The following CACNA1E variants were observed in gnomAD, a reference collection of about 807,000 sequenced individuals.
CACNA1E encodes calcium voltage-gated channel subunit alpha1 E, also known as voltage-dependent R-type calcium channel subunit alpha-1E.
A neutral mutation model predicts 259.2 loss-of-function variants in CACNA1E; 40 were observed. That is an observed-to-expected ratio of 0.15 (90% CI 0.12 to 0.20). The LOEUF (loss-of-function observed/expected upper bound fraction) is 0.20. CACNA1E is among the 10% of genes least tolerant of loss of function. CACNA1E has a pLI of 1.00. For synonymous variants in CACNA1E, 1,104 were observed against 1,138.5 expected (o/e 0.97, Z 0.61); for missense variants, 1,874 against 3,040.1 (o/e 0.62, Z 9.02).
chr1:181,722,075 T>C (rs559878496), intron 16 of CACNA1E, among the ~76,000 whole-genome samples, 200 bp downstream of exon 16: 4 of 152,308 alleles, frequency 2.6e-5, no homozygotes, highest in Admixed American at 6.5e-5. Context: ...GTAAACAAGA[T>C]AGAGTATTAT....
intron 1 of CACNA1E, among the ~76,000 whole-genome samples, chr1:181,352,559 T>C (rs1220498695): frequency 6.6e-6 from 1 of 152,208 alleles, no homozygotes; most frequent in Non-Finnish European, 1.5e-5. Context: ...ATTTCTGAAG[T>C]TAAACAAGAA....
intron 6 of CACNA1E, among the ~76,000 whole-genome samples, chr1:181,600,333 C>T (rs1405937676): frequency 1.3e-5 from 2 of 152,110 alleles, no homozygotes; most frequent in African/African-American, 4.8e-5. Flanking sequence ...GGATTTTACT[C>T]CGAGTGTGAT....
intron 6 of CACNA1E, among the ~76,000 whole-genome samples, chr1:181,629,285 T>C (rs1656479833): frequency 6.6e-6 from 1 of 152,216 alleles, no homozygotes; most frequent in Non-Finnish European, 1.5e-5. Context: ...GCCTTCTACA[T>C]GGAGTGAGTT....
intron 1 of CACNA1E, among the ~76,000 whole-genome samples, chr1:181,319,788 A>G (rs1029423865): frequency 3.9e-5 from 6 of 152,218 alleles, no homozygotes; most frequent in Admixed American, 6.5e-5. Flanking sequence ...ATAATTCAAG[A>G]GGCAACATGT....
At chr1:181,419,499 T>C (rs1400920921) in intron 2 of CACNA1E, among the ~76,000 whole-genome samples, 2 of 152,208 alleles carry the variant, frequency 1.3e-5, no homozygotes, top group African/African-American at 2.4e-5. Flanking sequence ...TCTCTTTCCC[T>C]CTTTATTTTG....
rs113193009 is a variant in CACNA1E, at chr1:181,708,315, A to G, written c.1056-2639A>G. Among the ~76,000 whole-genome samples, 537 of 152,304 alleles carry G rather than the reference A, an allele frequency of 3.5e-3. 4 individuals carry two copies. Among genetic ancestry groups the G allele is most frequent in the African/African-American group, 0.012 (519 of 41,562 alleles). On this transcript the variant is annotated intron_variant, in intron 7 of 47. Transcript: ENST00000367573. ...ATAGAAGAGGGGCTAATAGAGTAGA[A>G]AGAGATGAAATTTAGAAGATCTGAG...
At chr1:181,724,213 G>A (rs149734697) in intron 16 of CACNA1E, among the ~76,000 whole-genome samples, 2 of 152,148 alleles carry the variant, frequency 1.3e-5, no homozygotes. Flanking sequence ...CTGGCCCCCA[G>A]ATGGTTTGAT....
At chr1:181,414,905 A>G (rs537697406) in intron 2 of CACNA1E, among the ~76,000 whole-genome samples, 1 of 152,332 alleles carries the variant, frequency 6.6e-6, no homozygotes, top group Non-Finnish European at 1.5e-5. Flanking sequence ...ACTTCTCTCA[A>G]CAACCTATTG....
intron 3 of CACNA1E, among the ~76,000 whole-genome samples, chr1:181,563,278 A>G (rs1371581923): frequency 1.3e-5 from 2 of 152,228 alleles, no homozygotes; most frequent in Admixed American, 1.3e-4. Context: ...CTTTTCAGGC[A>G]TCATAGGCAG....
chr1:181,739,914 T>C (rs1349093968), intron 25 of CACNA1E, among the ~76,000 whole-genome samples: 1 of 152,192 alleles, frequency 6.6e-6, no homozygotes, highest in Non-Finnish European at 1.5e-5. Context: ...TGGATCCAGC[T>C]CTAGCCAGTT....
intron 38 of CACNA1E, among the ~76,000 whole-genome samples, chr1:181,780,358 A>G (rs542451676): frequency 2.0e-5 from 3 of 152,316 alleles, no homozygotes; most frequent in Non-Finnish European, 4.4e-5. Flanking sequence ...CAAATCTGCC[A>G]TACCCAGGGA....
chr1:181,638,854 C>A (rs1052143764), intron 6 of CACNA1E, among the ~76,000 whole-genome samples: 1 of 152,146 alleles, frequency 6.6e-6, no homozygotes, highest in Non-Finnish European at 1.5e-5. Flanking sequence ...CCTTGCTTCC[C>A]CTTCTACCAT....
intron 24 of CACNA1E, 140 bp from the exon 25 acceptor site, chr1:181,739,007 A>T: frequency 1.4e-6 from 1 of 702,284 alleles, no homozygotes; most frequent in Non-Finnish European, 2.6e-6. Context: ...TGCTGGACCT[A>T]ACCTCTCATT....
chr1:181,526,066 G>A (rs868566670), intron 3 of CACNA1E, among the ~76,000 whole-genome samples: 1 of 152,282 alleles, frequency 6.6e-6, no homozygotes. Context: ...TGCTAGGTCA[G>A]GAGGCAGGGA....
chr1:181,751,157 C>T (rs796361496), intron 26 of CACNA1E, among the ~76,000 whole-genome samples: 21 of 152,268 alleles, frequency 1.4e-4, no homozygotes, highest in African/African-American at 5.1e-4. Flanking sequence ...TTGTTTTCCA[C>T]CATTTGTGTG....
intron 3 of CACNA1E, among the ~76,000 whole-genome samples, chr1:181,546,161 G>GT (rs1404535348): frequency 6.6e-6 from 1 of 152,260 alleles, no homozygotes; most frequent in African/African-American, 2.4e-5. Context: ...AGGTCGTCAA[G>GT]TTTCACAGCA....
chr1:181,602,416 G>A (rs1478792229), intron 6 of CACNA1E, among the ~76,000 whole-genome samples: 1 of 152,128 alleles, frequency 6.6e-6, no homozygotes, highest in Non-Finnish European at 1.5e-5. Context: ...ATCCAAAAAT[G>A]TGAAATCTGA....
chr1:181,459,184 C>T (rs756318140), intron 2 of CACNA1E, among the ~76,000 whole-genome samples: 3 of 152,216 alleles, frequency 2.0e-5, no homozygotes, highest in Non-Finnish European at 4.4e-5. Context: ...TGGGGAAGAA[C>T]ATTCCTAGTA....
intron 24 of CACNA1E, among the ~76,000 whole-genome samples, chr1:181,738,756 G>A (rs1656292679): frequency 6.6e-6 from 1 of 152,200 alleles, no homozygotes. Context: ...AAAGGGCTAG[G>A]TAGAGATGAG....
Sources: gnomAD v4.1 joint callset for allele counts (sites outside exome capture counted in the v4.1 genomes callset) on GRCh38, gnomAD v4.1.1 for gene constraint, MANE v1.5 for transcripts, NCBI Gene and HGNC (gene_info 2026-07-23, HGNC 2026-07-21) for gene names.